The following TMEM50A variants were observed in gnomAD, a reference collection of about 807,000 sequenced individuals.
TMEM50A encodes cervical cancer oncogene 9.
TMEM50A carries 8 observed loss-of-function variants against 23.9 expected under a neutral mutation model. The observed-to-expected ratio is 0.33, with a 90% CI of 0.20 to 0.60. The LOEUF (loss-of-function observed/expected upper bound fraction) is 0.60, where lower values mean the gene tolerates loss of function less well. Ranked by LOEUF, TMEM50A falls within the 20% of genes least tolerant of loss-of-function variation. TMEM50A has a pLI of 0.81. For synonymous variants in TMEM50A, 55 were observed against 60.4 expected, an observed-to-expected ratio of 0.91 and a Z score of 0.41; for missense variants, 178 against 192.7, an observed-to-expected ratio of 0.92 and a Z score of 0.45.
At chr1:25,355,479 G>A (rs1645324429) in intron 5 of TMEM50A, among the ~76,000 whole-genome samples, 1 of 152,122 alleles carries the variant, frequency 6.6e-6, no homozygotes, top group Admixed American at 6.5e-5. Context: ...TTATAGGAAT[G>A]TCTTTATCTC....
intron 2 of TMEM50A, among the ~76,000 whole-genome samples, chr1:25,341,289 A>G (rs3093576): frequency 0.092 from 13,878 of 151,656 alleles, 1,995 homozygotes; most frequent in African/African-American, 0.31. Context: ...ACGGAGTCTC[A>G]GTCTGTCGCC....
chr1:25,342,031 A>C (rs954593793), intron 2 of TMEM50A, among the ~76,000 whole-genome samples: 1 of 152,170 alleles, frequency 6.6e-6, no homozygotes, highest in Non-Finnish European at 1.5e-5. Flanking sequence ...TTAGTCTATG[A>C]AGAAAATATC....
chr1:25,356,800 C>A lies in TMEM50A; in HGVS notation c.375C>A (p.Asp125Glu), dbSNP rs767064050. Residue 125 changes from aspartate to glutamate, a missense_variant, in exon 6 of 7, where the codon GAC becomes GAA. Asp to Glu is a conservative substitution (Grantham distance 45, BLOSUM62 2). Coordinates refer to ENST00000374358, the MANE Select transcript of TMEM50A (RefSeq NM_014313.4). ...CTGCAATTATTTTTACAGAAAAAGACATAGTATACCCTGGAATTGCTGTAT... is the reference window on the plus strand; with the variant it reads ...CTGCAATTATTTTTACAGAAAAAGAAATAGTATACCCTGGAATTGCTGTAT... Reference protein sequence around the residue: ...LFGGYVAKEKDIVYPGIAVFF... With the variant: ...LFGGYVAKEKEIVYPGIAVFF... 1 of 1,583,464 alleles carries A rather than the reference C, an allele frequency of 6.3e-7. No individual in the cohort carries two copies. Among genetic ancestry groups the A allele is most frequent in the Non-Finnish European group, 8.5e-7 (1 of 1,170,184 alleles).
chr1:25,348,836 A>T (rs1375060376), intron 3 of TMEM50A, among the ~76,000 whole-genome samples: 1 of 152,130 alleles, frequency 6.6e-6, no homozygotes, highest in Non-Finnish European at 1.5e-5. Flanking sequence ...GTAATATTTA[A>T]CTCTTCTCCA....
intron 3 of TMEM50A, among the ~76,000 whole-genome samples, chr1:25,344,783 C>A (rs1203942506): frequency 6.7e-6 from 1 of 149,400 alleles, no homozygotes; most frequent in African/African-American, 2.5e-5. Context: ...TCATTTTATT[C>A]TTCTTGAATG....
In TMEM50A at chr1:25,352,977, A is replaced by C; in HGVS notation, c.367+3A>C. On this transcript the variant is annotated splice_donor_region_variant and intron_variant, in intron 5 of 6. Transcript: ENST00000374358. ...TTTTGGAGGTTATGTTGCTAAAGGT[A>C]AGAGAAAACATAGGTTACAATTTAC... 6.2e-7 allele frequency: 1 copy of C among 1,609,630 alleles called. No homozygotes were observed. Among genetic ancestry groups the C allele is most frequent in the Non-Finnish European group, 8.5e-7 (1 of 1,178,064 alleles).
rs561141859 is a variant in TMEM50A at position 25,362,108 on chromosome 1, G to A, written c.*1403G>A. ...CAGCCACCTTGTAAAACTGCTGGGA[G>A]AAAAGCATGATTCCCACAAGGACTA... On this transcript the variant is annotated 3_prime_UTR_variant, in exon 7 of 7. Transcript: ENST00000374358. The A allele has an allele frequency of 2.0e-4, 64 of 315,058 alleles. No homozygotes were observed. The highest frequency in any genetic ancestry group is 2.2e-3 in the Middle Eastern group (2 of 898). 19.5% of individuals were successfully genotyped at this position (315,058 alleles called of 1,614,324 possible).
intron 3 of TMEM50A, among the ~76,000 whole-genome samples, chr1:25,346,847 T>C (rs530506543): frequency 1.3e-5 from 2 of 152,126 alleles, no homozygotes; most frequent in South Asian, 2.1e-4. Context: ...GGTGAAACCC[T>C]GTCTCTACAA....
Position 25,343,768 on chromosome 1 carries a change from C to T in TMEM50A, c.206+695C>T, listed in dbSNP as rs77102043. Among the ~76,000 whole-genome samples, 1,166 of 152,126 alleles carry T rather than the reference C, an allele frequency of 7.7e-3. 15 individuals carry two copies. The highest frequency in any genetic ancestry group is 0.027 in the African/African-American group (1,117 of 41,480). On this transcript the variant is annotated intron_variant, in intron 3 of 6. Transcript: ENST00000374358. ...TAAAGACTTGAAGAAAGTGAAGGAG[C>T]TGACCAGGGGATGGGGATATATAAG... is the stretch of plus-strand genomic sequence containing the variant.
intron 2 of TMEM50A, 105 bp downstream of exon 2, chr1:25,340,684 G>T: frequency 2.8e-6 from 2 of 717,060 alleles, no homozygotes; most frequent in Middle Eastern, 2.5e-4. Context: ...TTTTATCTTT[G>T]ACCACTTTGA....
Position 25,352,934 on chromosome 1 carries a change from T to A in TMEM50A, c.327T>A (p.Ile109=). 6.2e-7 allele frequency: 1 copy of A among 1,613,998 alleles called. No individual in the cohort carries two copies. Among genetic ancestry groups the A allele is most frequent in the South Asian group, 1.1e-5 (1 of 91,014 alleles). ...VGFMLAFGSL[I]ASMWILFGGY... is the part of the protein sequence containing the mutation. ...TCATGTTGGCCTTTGGATCTCTGATTGCATCTATGTGGATTCTTTTTGGAG... is the reference window on the plus strand; with the variant it reads ...TCATGTTGGCCTTTGGATCTCTGATAGCATCTATGTGGATTCTTTTTGGAG... The change falls in exon 5 of 7, where the codon ATT becomes ATA. Residue 109 remains isoleucine, a synonymous_variant. Coordinates refer to ENST00000374358, the MANE Select transcript of TMEM50A (RefSeq NM_014313.4).
chr1:25,360,925 C>T lies in TMEM50A; in HGVS notation c.*220C>T. On this transcript the variant is annotated 3_prime_UTR_variant, in exon 7 of 7. Transcript: ENST00000374358. ...CTTATAAAATGTTAGAGGAAACTTTCACATGAATAATTTTTGTCAAATTTT... is the reference window on the plus strand; with the variant it reads ...CTTATAAAATGTTAGAGGAAACTTTTACATGAATAATTTTTGTCAAATTTT... 2.5e-6 allele frequency: 1 copy of T among 395,262 alleles called. No individual in the cohort carries two copies. The highest frequency in any genetic ancestry group is 4.5e-6 in the Non-Finnish European group (1 of 221,912). The allele number at this position is 395,262 out of a possible 1,614,324, so 24.5% of individuals were successfully genotyped here.
rs372427039 is a variant in TMEM50A at position 25,340,450 on chromosome 1, A to ATTGT, written c.-13-9_-13-6dup. ...GCAAGTAAATGGAAGTACTTATTTA[A>ATTGT]TTGTTTGTTTGTTTGTTTTTAAGTG... On this transcript the variant is annotated intron_variant, in intron 1 of 6. Transcript: ENST00000374358. 13,425 of 1,530,674 alleles carry ATTGT rather than the reference A, an allele frequency of 8.8e-3. 72 individuals are homozygous for ATTGT. The highest frequency in any genetic ancestry group is 0.011 in the Non-Finnish European group (12,365 of 1,107,664). The allele number at this position is 1,530,674 out of a possible 1,614,324, so 94.8% of individuals were successfully genotyped here.
chr1:25,348,762 A>G (rs1406442012), intron 3 of TMEM50A, among the ~76,000 whole-genome samples: 2 of 152,024 alleles, frequency 1.3e-5, no homozygotes, highest in Non-Finnish European at 2.9e-5. Context: ...ACATTTTGAC[A>G]GATATTCTAC....
chr1:25,356,278 C>A (rs968298930), intron 5 of TMEM50A, among the ~76,000 whole-genome samples: 3 of 152,084 alleles, frequency 2.0e-5, no homozygotes, highest in Admixed American at 2.0e-4. Flanking sequence ...CTTTCTTTAC[C>A]CTGTCCCTGC....
rs1361581767 is a variant in TMEM50A at position 25,351,826 on chromosome 1, TTA to T, written c.274+135_274+136del. ...AGCTTATTATTTTGAATCTATTGTT[TTA>T]TGTTTTGGGCTTGAAATTGGGAATT... is the stretch of plus-strand genomic sequence containing the variant. On this transcript the variant is annotated intron_variant, in intron 4 of 6. Transcript: ENST00000374358. 19 of 777,522 alleles carry T rather than the reference TTA, an allele frequency of 2.4e-5. 1 individual carries two copies. Among genetic ancestry groups the T allele is most frequent in the Non-Finnish European group, 3.1e-5 (16 of 508,554 alleles). 48.2% of individuals were successfully genotyped at this position (777,522 alleles called of 1,614,324 possible).
chr1:25,340,628 T>G lies in TMEM50A; in HGVS notation c.93+49T>G, dbSNP rs1432801402. ...CCTTATTTTTTGGTGCGTTTGTGTT[T>G]ATGGGTTTTGAATTCTGCAGGATGT... On this transcript the variant is annotated intron_variant, in intron 2 of 6. Coordinates refer to ENST00000374358, the MANE Select transcript of TMEM50A (RefSeq NM_014313.4). 4 of 1,455,100 alleles carry G rather than the reference T, an allele frequency of 2.7e-6. No homozygotes were observed. In the Admixed American group the frequency reaches 5.4e-5, roughly 20 times the overall value. 90.1% of individuals were successfully genotyped at this position (1,455,100 alleles called of 1,614,324 possible).
Position 25,353,088 on chromosome 1 carries a change from G to A in TMEM50A, c.367+114G>A, listed in dbSNP as rs1023220464. The stretch of plus-strand genomic sequence containing the variant: ...TATAGTTGGGCCAACTACTAGCGAT[G>A]CATTTATATCCGGGACCCCCCACCC... On this transcript the variant is annotated intron_variant, in intron 5 of 6. Coordinates refer to ENST00000374358, the MANE Select transcript of TMEM50A (RefSeq NM_014313.4). The A allele has an allele frequency of 4.9e-6, 4 of 810,550 alleles. No individual in the cohort carries two copies. The African/African-American group carries it at 7.0e-5, about 14-fold the overall frequency. The allele number at this position is 810,550 out of a possible 1,614,324, so 50.2% of individuals were successfully genotyped here. A position where few individuals can be genotyped will look rare whatever the true frequency, so the allele number is the denominator to read the frequency against.
At chr1:25,349,801 G>A (rs966766114) in intron 3 of TMEM50A, among the ~76,000 whole-genome samples, 1 of 152,294 alleles carries the variant, frequency 6.6e-6, no homozygotes, top group South Asian at 2.1e-4. Flanking sequence ...CCCTAGCCTT[G>A]TGCTAGGCAT....
Sources: allele counts gnomAD v4.1 joint callset (sites outside exome capture counted in the v4.1 genomes callset), GRCh38; gene constraint gnomAD v4.1.1; transcripts MANE v1.5; gene names NCBI Gene and HGNC (gene_info 2026-07-23, HGNC 2026-07-21).